Variants in ALPK1 observed in about 807,000 individuals in gnomAD.
ALPK1 encodes the protein alpha kinase 1.
In ALPK1, 110 loss-of-function variants were observed where a neutral mutation model predicts 120.6. The ratio of observed to expected loss-of-function variants is 0.91; its 90% CI spans 0.78 to 1.07. The LOEUF (loss-of-function observed/expected upper bound fraction) is 1.07. Ranked by LOEUF, ALPK1 falls within the 50% of genes least tolerant of loss-of-function variation. The probability of loss-of-function intolerance (pLI) is 0.00; values close to 1 mark genes in which losing one functional copy is unlikely to be tolerated. For missense variants in ALPK1, 1,498 were observed against 1,483.9 expected, an observed-to-expected ratio of 1.01 and a Z score of -0.16; for synonymous variants, 582 against 560.3, an observed-to-expected ratio of 1.04 and a Z score of -0.55.
chr4:112,384,051 T>TA (rs1192029677), intron 4 of ALPK1: 1 of 152,182 alleles, frequency 6.6e-6, no homozygotes, highest in Non-Finnish European at 1.5e-5. Flanking sequence ...CATTGTAAAG[T>TA]AAAAAAATCA....
chr4:112,396,337 C>T (rs34715364), intron 4 of ALPK1, among the ~76,000 whole-genome samples: 42,655 of 152,134 alleles, frequency 0.28, 6,150 homozygotes, highest in Middle Eastern at 0.33. Context: ...TTCCCCCTCT[C>T]ATTATGAATT....
intron 4 of ALPK1, among the ~76,000 whole-genome samples, chr4:112,390,825 G>A (rs1732381414): frequency 6.6e-6 from 1 of 152,008 alleles, no homozygotes; most frequent in South Asian, 2.1e-4. Flanking sequence ...AAGAAATGAA[G>A]TAATCACCTG....
chr4:112,385,868 A>G (rs1480942259), intron 4 of ALPK1, among the ~76,000 whole-genome samples: 1 of 152,122 alleles, frequency 6.6e-6, no homozygotes, highest in Non-Finnish European at 1.5e-5. Context: ...CTCTCTTTTT[A>G]TAGTTTATTC....
At chr4:112,356,190 A>G (rs1730603096) in intron 2 of ALPK1, 4 of 1,607,350 alleles carry the variant, frequency 2.5e-6, no homozygotes, top group Admixed American at 3.3e-5. Context: ...CAGCCCTACA[A>G]ATGCCAACAG....
intron 1 of ALPK1, among the ~76,000 whole-genome samples, chr4:112,304,867 G>C (rs1727959311): frequency 6.6e-6 from 1 of 152,042 alleles, no homozygotes; most frequent in Middle Eastern, 3.2e-3. Context: ...TTCTTCTAGG[G>C]TTTTTATGGA....
chr4:112,346,617 T>C (rs986388794), intron 2 of ALPK1, among the ~76,000 whole-genome samples: 5 of 152,242 alleles, frequency 3.3e-5, no homozygotes, highest in African/African-American at 9.6e-5. Context: ...TGCCAACCAG[T>C]CATTTGGCCT....
chr4:112,416,585 A>T (rs1326625002), intron 5 of ALPK1, among the ~76,000 whole-genome samples: 1 of 152,180 alleles, frequency 6.6e-6, no homozygotes, highest in Non-Finnish European at 1.5e-5. Context: ...TGGGCAAAAA[A>T]GTTTTAGGCC....
At chr4:112,355,273 AT>A (rs968817886) in intron 2 of ALPK1, among the ~76,000 whole-genome samples, 2 of 152,188 alleles carry the variant, frequency 1.3e-5, no homozygotes, top group Non-Finnish European at 2.9e-5. Context: ...TTGTTGAACG[AT>A]TTGTAAAATT....
At chr4:112,373,660 G>T (rs1362789038) in intron 2 of ALPK1, among the ~76,000 whole-genome samples, 1 of 151,998 alleles carries the variant, frequency 6.6e-6, no homozygotes, top group Non-Finnish European at 1.5e-5. Flanking sequence ...GGTTGAGGTG[G>T]GAGGATCACT....
chr4:112,354,580 G>C (rs901808425), intron 2 of ALPK1, among the ~76,000 whole-genome samples: 8 of 152,124 alleles, frequency 5.3e-5, no homozygotes, highest in African/African-American at 1.9e-4. Context: ...TGAATCTCGA[G>C]CCTCAGCCTC....
chr4:112,379,462 G>T (rs561660973), intron 3 of ALPK1, among the ~76,000 whole-genome samples: 1 of 152,242 alleles, frequency 6.6e-6, no homozygotes, highest in Non-Finnish European at 1.5e-5. Flanking sequence ...ATTGGCAGCC[G>T]TAGCATCAGC....
intron 2 of ALPK1, among the ~76,000 whole-genome samples, chr4:112,325,923 A>T (rs1328446813): frequency 2.6e-5 from 4 of 152,094 alleles, no homozygotes; most frequent in African/African-American, 9.7e-5. Flanking sequence ...AGGCTTCCCT[A>T]AGGCCCTGAG....
At chr4:112,342,108 T>A (rs1047158838) in intron 2 of ALPK1, among the ~76,000 whole-genome samples, 1 of 152,188 alleles carries the variant, frequency 6.6e-6, no homozygotes, top group South Asian at 2.1e-4. Context: ...TGTGTGAAAA[T>A]GTACTTTAAA....
At chr4:112,352,405 C>A (rs1730403321) in intron 2 of ALPK1, among the ~76,000 whole-genome samples, 1 of 152,198 alleles carries the variant, frequency 6.6e-6, no homozygotes, top group Non-Finnish European at 1.5e-5. Context: ...TATATACAGT[C>A]ATCCTTTGGT....
At chr4:112,343,140 A>G (rs1729937961) in intron 2 of ALPK1, 1 of 152,268 alleles carries the variant, frequency 6.6e-6, no homozygotes, top group South Asian at 2.1e-4. Flanking sequence ...CTGCCTGCAC[A>G]TTAAACACAC....
chr4:112,330,164 C>A (rs971663847), intron 2 of ALPK1, among the ~76,000 whole-genome samples: 38 of 152,180 alleles, frequency 2.5e-4, no homozygotes, highest in African/African-American at 9.2e-4. Context: ...AGCTTCCAGA[C>A]AACCAAGTCA....
chr4:112,438,391 AT>A lies in ALPK1; in HGVS notation c.3189-90del. 2.6e-6 allele frequency: 3 copies of A among 1,164,986 alleles called. No homozygotes were observed. In the East Asian group the frequency reaches 7.1e-5, roughly 28 times the overall value. 72.2% of individuals were successfully genotyped at this position (1,164,986 alleles called of 1,614,324 possible). On this transcript the variant is annotated intron_variant, in intron 12 of 15. Coordinates refer to ENST00000650871, the MANE Select transcript of ALPK1 (RefSeq NM_025144.4). Reference sequence around the variant, plus strand: ...AGGCAGAGAAAGAGATCTTTCAAGCATTTCTGCATATGTCTTTTGATCTCCT... The same window carrying A: ...AGGCAGAGAAAGAGATCTTTCAAGCATTCTGCATATGTCTTTTGATCTCCT...
At position 112,430,434 on chromosome 4, in the gene ALPK1, G is replaced by T; in HGVS notation, c.901-14G>T. The stretch of plus-strand genomic sequence containing the variant: ...CAATTCAATATCTGATTTGGTATTT[G>T]GTATTTTTCCCAGAATATCCGTGGC... On this transcript the variant is annotated splice_polypyrimidine_tract_variant and intron_variant, in intron 10 of 15. Transcript: ENST00000650871. The T allele has an allele frequency of 6.4e-7, 1 of 1,550,538 alleles. No homozygotes were observed. The highest frequency in any genetic ancestry group is 1.2e-5 in the South Asian group (1 of 81,898).
chr4:112,416,700 T>G (rs1733760696), intron 5 of ALPK1, among the ~76,000 whole-genome samples: 1 of 151,686 alleles, frequency 6.6e-6, no homozygotes, highest in Admixed American at 6.6e-5. Flanking sequence ...CACAGGATGA[T>G]CTCATCTCTA....
Sources: gnomAD v4.1 joint callset for allele counts (sites outside exome capture counted in the v4.1 genomes callset) on GRCh38, gnomAD v4.1.1 for gene constraint, MANE v1.5 for transcripts, NCBI Gene and HGNC (gene_info 2026-07-23, HGNC 2026-07-21) for gene names.